The following CNTNAP2 variants were observed in gnomAD, a reference collection of about 807,000 sequenced individuals.
CNTNAP2 encodes the protein contactin-associated protein-like 2.
A neutral mutation model predicts 155.2 loss-of-function variants in CNTNAP2; 98 were observed. The observed-to-expected ratio is 0.63, with a 90% CI of 0.54 to 0.75. CNTNAP2 has a LOEUF of 0.75. Ranked by LOEUF, CNTNAP2 falls within the 30% of genes least tolerant of loss-of-function variation. The probability of loss-of-function intolerance (pLI) is 0.00; values close to 1 mark genes in which losing one functional copy is unlikely to be tolerated. For synonymous variants in CNTNAP2, 651 were observed against 631.2 expected, an observed-to-expected ratio of 1.03 and a Z score of -0.47; for missense variants, 1,727 against 1,688.1, an observed-to-expected ratio of 1.02 and a Z score of -0.40.
intron 1 of CNTNAP2, among the ~76,000 whole-genome samples, chr7:146,226,750 A>G (rs1799298924): frequency 6.6e-6 from 1 of 152,168 alleles, no homozygotes; most frequent in Admixed American, 6.5e-5. Flanking sequence ...ATGAGGGTAA[A>G]TTCAATTGAG....
intron 1 of CNTNAP2, among the ~76,000 whole-genome samples, chr7:146,635,057 C>T (rs1271143312): frequency 6.6e-6 from 1 of 151,970 alleles, no homozygotes; most frequent in East Asian, 1.9e-4. Context: ...GGTAGGAAAT[C>T]AGAGATTTAA....
chr7:148,369,181 C>CTTTT (rs376460265), intron 21 of CNTNAP2, among the ~76,000 whole-genome samples: 7 of 92,306 alleles, frequency 7.6e-5, no homozygotes, highest in African/African-American at 1.4e-4. Flanking sequence ...AATTGAATCC[C>CTTTT]TTTTTTTTTT....
chr7:147,032,201 TGA>T (rs1252853749), intron 3 of CNTNAP2, among the ~76,000 whole-genome samples: 8 of 152,224 alleles, frequency 5.3e-5, no homozygotes, highest in African/African-American at 1.7e-4. Context: ...GCAGTTTCAC[TGA>T]GAGATCAAAT....
At chr7:147,841,023 T>G (rs1798719037) in intron 13 of CNTNAP2, among the ~76,000 whole-genome samples, 1 of 152,210 alleles carries the variant, frequency 6.6e-6, no homozygotes, top group Non-Finnish European at 1.5e-5. Context: ...CAATTAGGCC[T>G]TCAGCAAAGA....
At chr7:146,590,034 G>C (rs1798757433) in intron 1 of CNTNAP2, among the ~76,000 whole-genome samples, 2 of 152,188 alleles carry the variant, frequency 1.3e-5, no homozygotes, top group Admixed American at 1.3e-4. Flanking sequence ...ACGGAGGAAT[G>C]AATTTTAGCT....
chr7:146,890,609 T>C (rs564190524), intron 3 of CNTNAP2, among the ~76,000 whole-genome samples: 39 of 152,334 alleles, frequency 2.6e-4, no homozygotes, highest in African/African-American at 9.4e-4. Context: ...CTCATCATCA[T>C]TTTTGATGAT....
At chr7:147,226,619 A>G (rs1366965210) in intron 8 of CNTNAP2, among the ~76,000 whole-genome samples, 1 of 152,150 alleles carries the variant, frequency 6.6e-6, no homozygotes, top group Non-Finnish European at 1.5e-5. Context: ...GGTTTTCTTT[A>G]GGTCAAGGAC....
intron 15 of CNTNAP2, among the ~76,000 whole-genome samples, chr7:148,059,448 G>A (rs1803088720): frequency 1.3e-5 from 2 of 151,784 alleles, no homozygotes; most frequent in South Asian, 2.1e-4. Context: ...AAAATTATCC[G>A]GGTGTGGTGG....
At chr7:147,711,674 C>T (rs60842929) in intron 13 of CNTNAP2, among the ~76,000 whole-genome samples, 2,284 of 152,264 alleles carry the variant, frequency 0.015, 65 homozygotes, top group African/African-American at 0.05. Context: ...TGGAAATAAA[C>T]GGCTAGAGGC....
chr7:148,122,507 G>T (rs959518392), intron 16 of CNTNAP2, among the ~76,000 whole-genome samples: 1 of 152,158 alleles, frequency 6.6e-6, no homozygotes, highest in Non-Finnish European at 1.5e-5. Context: ...AGACTGAACC[G>T]AAGGACCCAG....
At chr7:147,456,633 G>C (rs190504786) in intron 10 of CNTNAP2, among the ~76,000 whole-genome samples, 2 of 152,124 alleles carry the variant, frequency 1.3e-5, no homozygotes, top group Admixed American at 1.3e-4. Context: ...ATGGGGAAGA[G>C]GGAAATTTGT....
In CNTNAP2 at chr7:148,365,865, T is replaced by C. The variant is rs536735622; in HGVS notation, c.3476-17784T>C. On this transcript the variant is annotated intron_variant, in intron 21 of 23. Coordinates refer to ENST00000361727, the MANE Select transcript of CNTNAP2 (RefSeq NM_014141.6). Reference sequence around the variant, plus strand: ...ATGCATGTGTATGCATGTATACATGTATGTGTATGCATGTATACATGTATG... The same window carrying C: ...ATGCATGTGTATGCATGTATACATGCATGTGTATGCATGTATACATGTATG... Among the ~76,000 whole-genome samples the C allele has an allele frequency of 2.9e-5, 3 of 103,290 alleles. 1 individual carries two copies. Among genetic ancestry groups the C allele is most frequent in the African/African-American group, 1.2e-4 (3 of 25,130 alleles). 67.8% of individuals were successfully genotyped at this position (103,290 alleles called of 152,430 possible).
intron 2 of CNTNAP2, among the ~76,000 whole-genome samples, chr7:146,775,875 G>A (rs1802381700): frequency 1.3e-5 from 2 of 151,862 alleles, no homozygotes; most frequent in South Asian, 2.1e-4. Context: ...ACAAGCAAAG[G>A]TAGAGGAACA....
At chr7:147,713,813 T>C (rs1796439762) in intron 13 of CNTNAP2, among the ~76,000 whole-genome samples, 1 of 152,142 alleles carries the variant, frequency 6.6e-6, no homozygotes, top group African/African-American at 2.4e-5. Flanking sequence ...AGGTGTATAG[T>C]GGTATCACAT....
At chr7:147,477,865 T>G (rs991790975) in intron 10 of CNTNAP2, among the ~76,000 whole-genome samples, 1 of 152,162 alleles carries the variant, frequency 6.6e-6, no homozygotes, top group Non-Finnish European at 1.5e-5. Context: ...TCAATAAATA[T>G]AAGTCGAATG....
intron 21 of CNTNAP2, among the ~76,000 whole-genome samples, chr7:148,321,955 G>A (rs1271248168): frequency 6.6e-6 from 1 of 150,620 alleles, no homozygotes; most frequent in African/African-American, 2.4e-5. Context: ...AGAGTGTGGA[G>A]TGCAATGGCG....
Position 148,194,854 on chromosome 7 carries a change from ATACTC to A in CNTNAP2, c.3010+22377_3010+22381del, listed in dbSNP as rs1795251891. ...CCTTATTGGTGAGGGCAGATCTACT[ATACTC>A]AGCCTACTGGATTGAATACTAATTT... On this transcript the variant is annotated intron_variant, in intron 18 of 23. Transcript: ENST00000361727. Among the ~76,000 whole-genome samples the A allele has an allele frequency of 2.6e-5, 4 of 152,202 alleles. No individual in the cohort carries two copies. In the South Asian group the frequency reaches 8.3e-4, roughly 32 times the overall value.
chr7:147,193,713 A>C lies in CNTNAP2; in HGVS notation c.1348+61204A>C, dbSNP rs542175542. ...ATAAATTGAATGAAAGGAATGTAGG[A>C]AAGGAACCTCAGACATAAAGAATAC... On this transcript the variant is annotated intron_variant, in intron 8 of 23. Transcript: ENST00000361727. 3.7e-4 allele frequency among the ~76,000 whole-genome samples: 56 copies of C among 152,282 alleles called. 1 individual carries two copies. Among genetic ancestry groups the C allele is most frequent in the African/African-American group, 1.2e-3 (51 of 41,560 alleles).
chr7:146,911,573 G>T (rs372829149), intron 3 of CNTNAP2, among the ~76,000 whole-genome samples: 1 of 147,786 alleles, frequency 6.8e-6, no homozygotes, highest in African/African-American at 2.5e-5. Context: ...ACCAAACACC[G>T]TATATTCTCA....
Sources: allele counts gnomAD v4.1 joint callset (sites outside exome capture counted in the v4.1 genomes callset), GRCh38; gene constraint gnomAD v4.1.1; transcripts MANE v1.5; gene names NCBI Gene and HGNC (gene_info 2026-07-23, HGNC 2026-07-21).